Variants in NBAS observed in about 807,000 individuals in gnomAD.
NBAS encodes the protein NAG/BC035112 fusion.
A neutral mutation model predicts 302.5 loss-of-function variants in NBAS; 219 were observed. The observed-to-expected ratio is 0.72, with a 90% CI of 0.65 to 0.81. The LOEUF is 0.81. Ranked by LOEUF, NBAS falls within the 30% of genes least tolerant of loss-of-function variation. The pLI is 0.00. For synonymous variants in NBAS, 1,118 were observed against 1,021.6 expected, an observed-to-expected ratio of 1.09 and a Z score of -1.80; for missense variants, 2,932 against 2,841.6, an observed-to-expected ratio of 1.03 and a Z score of -0.72.
chr2:14,794,600 T>C, the NBAS span, among the ~76,000 whole-genome samples: 2 of 152,188 alleles, frequency 1.3e-5, no homozygotes, highest in Non-Finnish European at 2.9e-5. Context: ...AACTGCTTTA[T>C]TGGGTAAAGT....
At chr2:15,494,471 G>A (rs914880518) in intron 11 of NBAS, among the ~76,000 whole-genome samples, 1 of 152,152 alleles carries the variant, frequency 6.6e-6, no homozygotes, top group Non-Finnish European at 1.5e-5. Context: ...GATTCTACCT[G>A]AATCCATAAT....
At chr2:14,965,113 G>A in the NBAS span, among the ~76,000 whole-genome samples, 9,917 of 151,868 alleles carry the variant, frequency 0.065, 1,009 homozygotes, top group African/African-American at 0.22. Context: ...TTCGCCTTCC[G>A]TTTTAAGAAA....
At chr2:15,211,829 A>G (rs1480748602) in intron 48 of NBAS, among the ~76,000 whole-genome samples, 1 of 152,146 alleles carries the variant, frequency 6.6e-6, no homozygotes, top group African/African-American at 2.4e-5. Flanking sequence ...GGAAGTGGTC[A>G]CTGTTAACTA....
chr2:14,889,106 A>G, the NBAS span, among the ~76,000 whole-genome samples: 1 of 152,166 alleles, frequency 6.6e-6, no homozygotes, highest in African/African-American at 2.4e-5. Flanking sequence ...CCTTCTAAAT[A>G]GAGACACATT....
At chr2:14,963,204 G>T in the NBAS span, among the ~76,000 whole-genome samples, 24,143 of 152,050 alleles carry the variant, frequency 0.16, 2,614 homozygotes, top group African/African-American at 0.31. Flanking sequence ...GGAGGCGGAG[G>T]TTGCAGTGAA....
chr2:14,804,406 T>C, the NBAS span, among the ~76,000 whole-genome samples: 1 of 152,212 alleles, frequency 6.6e-6, no homozygotes, highest in Non-Finnish European at 1.5e-5. Flanking sequence ...ATGTGCTAGA[T>C]AAGTTTCCTT....
the NBAS span, among the ~76,000 whole-genome samples, chr2:14,839,766 G>A: frequency 6.6e-6 from 1 of 151,826 alleles, no homozygotes; most frequent in African/African-American, 2.4e-5. Context: ...GAAATCAACA[G>A]GTAAATTACA....
chr2:15,190,376 C>G lies in NBAS; in HGVS notation c.6460G>C (p.Glu2154Gln). The G allele has an allele frequency of 6.2e-7, 1 of 1,613,972 alleles. No individual in the cohort carries two copies. The highest frequency in any genetic ancestry group is 1.1e-5 in the South Asian group (1 of 91,084). The part of the protein sequence containing the change: ...QVDIADIENE[E>Q]NRYCLFMELL... Reference sequence around the variant, plus strand: ...TCCATGAATAGACAGTAGCGGTTCTCTTCATTCTCAATGTCAGCTATGTCT... The same window carrying G: ...TCCATGAATAGACAGTAGCGGTTCTGTTCATTCTCAATGTCAGCTATGTCT... Residue 2154 changes from glutamate (E) to glutamine (Q), a missense_variant, in exon 49 of 52, where the codon GAG (glutamate) becomes CAG (glutamine). By Grantham distance (29) the Glu-to-Gln change is conservative (BLOSUM62 2). Transcript: ENST00000281513.
chr2:14,821,216 C>T, the NBAS span, among the ~76,000 whole-genome samples: 3 of 152,214 alleles, frequency 2.0e-5, no homozygotes, highest in Admixed American at 6.5e-5. Flanking sequence ...TGAGCCACCG[C>T]GCCCGGCCAA....
Position 15,445,688 on chromosome 2 carries a change from T to TA in NBAS, c.2339+15512dup, listed in dbSNP as rs201372612. On this transcript the variant is annotated intron_variant, in intron 21 of 51. Coordinates refer to ENST00000281513, the MANE Select transcript of NBAS (RefSeq NM_015909.4). Reference sequence around the variant, plus strand: ...AAAAATTTTTAAATTTACTTTCAACTAAAAAAAAAAATCTACATCCAAATT... The same window carrying TA: ...AAAAATTTTTAAATTTACTTTCAACTAAAAAAAAAAAATCTACATCCAAATT... 8.3e-3 allele frequency among the ~76,000 whole-genome samples: 1,222 copies of TA among 146,358 alleles called. 12 individuals carry two copies. Among genetic ancestry groups the TA allele is most frequent in the African/African-American group, 0.027 (1,068 of 40,250 alleles).
the NBAS span, among the ~76,000 whole-genome samples, chr2:14,987,471 A>AG: frequency 4.6e-5 from 6 of 131,000 alleles, no homozygotes; most frequent in Admixed American, 4.7e-4. Flanking sequence ...TTCTTATGAC[A>AG]AATATATATA....
At chr2:14,992,930 G>C in the NBAS span, among the ~76,000 whole-genome samples, 1 of 152,196 alleles carries the variant, frequency 6.6e-6, no homozygotes, top group Non-Finnish European at 1.5e-5. Context: ...CCTGCCATTT[G>C]TGACCCTTCA....
At chr2:15,126,440 A>G in the NBAS span, among the ~76,000 whole-genome samples, 5 of 152,186 alleles carry the variant, frequency 3.3e-5, no homozygotes, top group African/African-American at 1.2e-4. Context: ...CAGGGAAGGG[A>G]AAGTGGCCAC....
At chr2:15,010,928 A>T in the NBAS span, among the ~76,000 whole-genome samples, 1 of 152,232 alleles carries the variant, frequency 6.6e-6, no homozygotes, top group Non-Finnish European at 1.5e-5. Context: ...ACCAGGAGAT[A>T]TTAAAATCTA....
the NBAS span, among the ~76,000 whole-genome samples, chr2:15,021,936 C>CT: frequency 1.3e-5 from 2 of 152,110 alleles, no homozygotes. Context: ...AGCAAATAGA[C>CT]TCTGAAATGG....
At chr2:15,374,829 G>T (rs1282069502) in intron 30 of NBAS, 109 bp from the exon 31 acceptor site, 29 of 941,512 alleles carry the variant, frequency 3.1e-5, no homozygotes, top group Non-Finnish European at 4.6e-5. Flanking sequence ...CACATCCCAG[G>T]AATTCATTCC....
At chr2:15,529,704 A>T (rs1008765178) in intron 9 of NBAS, among the ~76,000 whole-genome samples, 1 of 152,122 alleles carries the variant, frequency 6.6e-6, no homozygotes, top group Non-Finnish European at 1.5e-5. Flanking sequence ...CACAACAAAG[A>T]ACTGAGCATG....
chr2:15,460,540 T>C (rs1386844853), intron 21 of NBAS, among the ~76,000 whole-genome samples: 2 of 152,146 alleles, frequency 1.3e-5, no homozygotes, highest in South Asian at 2.1e-4. Context: ...CTGGGGCAAA[T>C]GGTCTGTTTT....
chr2:15,383,319 T>C lies in NBAS; in HGVS notation c.3258-2A>G. ...TGAGACTCACTGACAGGAGGCTGCCTGGAAAAACACATAAAAAAGACAAGG... is the reference window on the plus strand; with the variant it reads ...TGAGACTCACTGACAGGAGGCTGCCCGGAAAAACACATAAAAAAGACAAGG... On this transcript the variant is annotated splice_acceptor_variant, in intron 28 of 51. Coordinates refer to ENST00000281513, the MANE Select transcript of NBAS (RefSeq NM_015909.4). LOFTEE classifies it high-confidence loss of function. 6.2e-7 allele frequency: 1 copy of C among 1,611,302 alleles called. No individual in the cohort carries two copies. Among genetic ancestry groups the C allele is most frequent in the Non-Finnish European group, 8.5e-7 (1 of 1,177,546 alleles).
Sources: allele counts gnomAD v4.1 joint callset (sites outside exome capture counted in the v4.1 genomes callset), GRCh38; gene constraint gnomAD v4.1.1; transcripts MANE v1.5; gene names NCBI Gene and HGNC (gene_info 2026-07-23, HGNC 2026-07-21).